The following GALNTL6 variants were observed in gnomAD, a reference collection of about 807,000 sequenced individuals.
The protein encoded by GALNTL6 is polypeptide N-acetylgalactosaminyltransferase like 6.
GALNTL6 carries 46 observed loss-of-function variants against 73.7 expected under a neutral mutation model. That is an observed-to-expected ratio of 0.62 (90% CI 0.49 to 0.80). The LOEUF (loss-of-function observed/expected upper bound fraction) is 0.80, where lower values mean the gene tolerates loss of function less well. Among genes scored for constraint, GALNTL6 ranks in the 30% least tolerant of loss-of-function variants. The pLI is 0.00. For synonymous variants in GALNTL6, 259 were observed against 263.7 expected, an observed-to-expected ratio of 0.98 and a Z score of 0.17; for missense variants, 604 against 755.0, an observed-to-expected ratio of 0.80 and a Z score of 2.34.
rs17058703 is a variant in GALNTL6, at chr4:172,648,279, C to G, written c.554-161082C>G. On this transcript the variant is annotated intron_variant, in intron 5 of 12. Coordinates refer to ENST00000506823, the MANE Select transcript of GALNTL6 (RefSeq NM_001034845.3). ...TTGGCCAGGCTTCAGAAATACAGCT[C>G]CTAAAGCTTCTAAAGTAAGTTGTCA... 7.0e-3 allele frequency among the ~76,000 whole-genome samples: 1,066 copies of G among 152,190 alleles called. 10 individuals are homozygous for G. The highest frequency in any genetic ancestry group is 0.025 in the African/African-American group (1,021 of 41,510).
At chr4:172,091,134 C>T (rs941960004) in intron 2 of GALNTL6, among the ~76,000 whole-genome samples, 4 of 152,030 alleles carry the variant, frequency 2.6e-5, no homozygotes, top group Admixed American at 2.6e-4. Flanking sequence ...CAATTTTTCT[C>T]TCTCTGGTTT....
At chr4:172,921,993 A>C (rs941138710) in intron 8 of GALNTL6, among the ~76,000 whole-genome samples, 4 of 152,186 alleles carry the variant, frequency 2.6e-5, no homozygotes, top group African/African-American at 9.7e-5. Flanking sequence ...TGTATCTCCC[A>C]GCATTCTCAT....
intron 10 of GALNTL6, among the ~76,000 whole-genome samples, chr4:172,984,522 T>C (rs1751211302): frequency 6.6e-6 from 1 of 152,142 alleles, no homozygotes; most frequent in African/African-American, 2.4e-5. Flanking sequence ...AGCCAAACCA[T>C]AGCAGTGTAC....
At chr4:172,923,842 T>C (rs190776521) in intron 8 of GALNTL6, among the ~76,000 whole-genome samples, 1 of 151,942 alleles carries the variant, frequency 6.6e-6, no homozygotes, top group African/African-American at 2.4e-5. Flanking sequence ...AAACTCCCCT[T>C]ATAGTAAGCA....
intron 5 of GALNTL6, among the ~76,000 whole-genome samples, chr4:172,688,015 T>C (rs1334829941): frequency 6.6e-6 from 1 of 152,224 alleles, no homozygotes. Flanking sequence ...AATGTGTTCC[T>C]AGGAATAGAA....
intron 2 of GALNTL6, among the ~76,000 whole-genome samples, chr4:171,960,221 T>G (rs1326954523): frequency 1.3e-5 from 2 of 152,164 alleles, no homozygotes; most frequent in Admixed American, 1.3e-4. Context: ...AGTCAAATTT[T>G]ACCAAAACAA....
At chr4:171,851,868 T>C (rs1054332021) in intron 2 of GALNTL6, among the ~76,000 whole-genome samples, 2 of 152,190 alleles carry the variant, frequency 1.3e-5, no homozygotes, top group Non-Finnish European at 2.9e-5. Context: ...AGCATCCCCT[T>C]CAAAGTTAAA....
intron 9 of GALNTL6, among the ~76,000 whole-genome samples, chr4:172,949,037 T>C (rs959354542): frequency 1.3e-5 from 2 of 152,240 alleles, no homozygotes; most frequent in African/African-American, 2.4e-5. Flanking sequence ...ATAATTGCCA[T>C]ATCTATTTCA....
intron 2 of GALNTL6, among the ~76,000 whole-genome samples, chr4:172,222,717 T>C (rs896751055): frequency 2.0e-5 from 3 of 151,980 alleles, no homozygotes; most frequent in African/African-American, 7.2e-5. Flanking sequence ...ATCATTAAAA[T>C]GGTACATGAA....
At chr4:173,010,149 C>T (rs1306499260) in intron 11 of GALNTL6, among the ~76,000 whole-genome samples, 2 of 152,270 alleles carry the variant, frequency 1.3e-5, no homozygotes, top group African/African-American at 4.8e-5. Context: ...CCACTCCCCA[C>T]CTCACACCCT....
chr4:171,991,726 GTGTGTATATA>G (rs1201059122), intron 2 of GALNTL6, among the ~76,000 whole-genome samples: 136 of 29,706 alleles, frequency 4.6e-3, no homozygotes, highest in African/African-American at 0.015. Flanking sequence ...GTGTGTGTGT[GTGTGTATATA>G]TATATATATA....
intron 2 of GALNTL6, among the ~76,000 whole-genome samples, chr4:171,944,046 C>A (rs971276915): frequency 6.6e-6 from 1 of 151,828 alleles, no homozygotes; most frequent in African/African-American, 2.4e-5. Flanking sequence ...AATGAAAATA[C>A]TTTCTGGAGT....
At chr4:172,648,990 C>A (rs1740362808) in intron 5 of GALNTL6, among the ~76,000 whole-genome samples, 1 of 152,098 alleles carries the variant, frequency 6.6e-6, no homozygotes, top group South Asian at 2.1e-4. Flanking sequence ...AGATTAAAAT[C>A]ATACCTTCAA....
chr4:172,161,188 A>G (rs1734453818), intron 2 of GALNTL6, among the ~76,000 whole-genome samples: 1 of 152,024 alleles, frequency 6.6e-6, no homozygotes. Flanking sequence ...ATGAAAACAT[A>G]GAGCAGTGGT....
intron 7 of GALNTL6, among the ~76,000 whole-genome samples, chr4:172,866,697 G>A (rs187848451): frequency 2.0e-5 from 3 of 152,156 alleles, no homozygotes; most frequent in Admixed American, 6.5e-5. Flanking sequence ...CATGTCCTGT[G>A]GTTTCTCCTA....
intron 8 of GALNTL6, among the ~76,000 whole-genome samples, chr4:172,927,466 A>G (rs1220376629): frequency 5.9e-5 from 9 of 152,220 alleles, no homozygotes; most frequent in Non-Finnish European, 1.3e-4. Context: ...CTACTGTTGC[A>G]TAACAAAGCT....
chr4:172,034,408 G>C (rs1741869896), intron 2 of GALNTL6, among the ~76,000 whole-genome samples: 1 of 48,580 alleles, frequency 2.1e-5, no homozygotes, highest in Non-Finnish European at 4.2e-5. Context: ...GCGTGTGTGT[G>C]TGTGTGTGTG....
intron 10 of GALNTL6, among the ~76,000 whole-genome samples, chr4:173,000,133 T>C (rs1489358617): frequency 1.3e-5 from 2 of 152,140 alleles, no homozygotes; most frequent in Non-Finnish European, 2.9e-5. Flanking sequence ...AACAAATATA[T>C]GTATAATCTC....
intron 3 of GALNTL6, among the ~76,000 whole-genome samples, chr4:172,233,185 A>G (rs1446336325): frequency 1.4e-5 from 2 of 147,486 alleles, no homozygotes; most frequent in African/African-American, 5.1e-5. Flanking sequence ...CCTGGGAAAC[A>G]TAGCGAGACC....
Sources: allele counts gnomAD v4.1 joint callset (sites outside exome capture counted in the v4.1 genomes callset), GRCh38; gene constraint gnomAD v4.1.1; transcripts MANE v1.5; gene names NCBI Gene and HGNC (gene_info 2026-07-23, HGNC 2026-07-21).